The following NHSL3 variants were observed in gnomAD, a reference collection of about 807,000 sequenced individuals.
The protein encoded by NHSL3 is NHS-like protein 3.
chr1:32,751,931 C>T, the NHSL3 span, among the ~76,000 whole-genome samples: 1 of 152,146 alleles, frequency 6.6e-6, no homozygotes, highest in African/African-American at 2.4e-5. Context: ...ATCCTTTGAG[C>T]CTCTTCACAT....
the NHSL3 span, among the ~76,000 whole-genome samples, chr1:32,743,952 C>A: frequency 6.6e-6 from 1 of 152,226 alleles, no homozygotes; most frequent in Non-Finnish European, 1.5e-5. Context: ...TTTACTCCAG[C>A]CTCCTATTAT....
the NHSL3 span, chr1:32,770,469 C>T: frequency 2.5e-6 from 4 of 1,597,032 alleles, no homozygotes; most frequent in Middle Eastern, 1.7e-4. This position sits in a 1 kb window ranked among gnomAD's most constrained non-coding sequence, Gnocchi z 8.3. Flanking sequence ...CTGACGGTTC[C>T]ACCCTCTCCT....
chr1:32,754,305 A>C, the NHSL3 span: 1 of 578,838 alleles, frequency 1.7e-6, no homozygotes, highest in Non-Finnish European at 3.2e-6. Flanking sequence ...ATCCCCGCGC[A>C]GACCCCACCC....
At chr1:32,769,033 G>C in the NHSL3 span, 1 of 351,438 alleles carries the variant, frequency 2.8e-6, no homozygotes, top group South Asian at 3.9e-5. Context: ...GGCGGGTCAC[G>C]AGGTCAGGAG....
At chr1:32,746,407 C>T in the NHSL3 span, among the ~76,000 whole-genome samples, 4 of 152,082 alleles carry the variant, frequency 2.6e-5, no homozygotes, top group Admixed American at 6.5e-5. Context: ...CTGGAGGAGG[C>T]GAGCGCCTAT....
the NHSL3 span, among the ~76,000 whole-genome samples, chr1:32,760,190 G>T: frequency 6.6e-6 from 1 of 152,184 alleles, no homozygotes; most frequent in Non-Finnish European, 1.5e-5. Context: ...GGAGTTGGGG[G>T]CTGGGTTGGC....
At chr1:32,772,966 G>A in the NHSL3 span, 6 of 1,399,282 alleles carry the variant, frequency 4.3e-6, no homozygotes, top group South Asian at 6.9e-5. Flanking sequence ...AAGGACGAGA[G>A]GATACAGCAG....
the NHSL3 span, among the ~76,000 whole-genome samples, chr1:32,756,466 C>T: frequency 1.2e-5 from 1 of 80,330 alleles, no homozygotes; most frequent in African/African-American, 4.5e-5. Flanking sequence ...GGCAACATGA[C>T]GAGACCCCCC....
At chr1:32,753,850 C>T in the NHSL3 span, among the ~76,000 whole-genome samples, 19 of 152,162 alleles carry the variant, frequency 1.2e-4, no homozygotes, top group Admixed American at 4.6e-4. Flanking sequence ...GCGGCTCAGC[C>T]GGTCTCCCAG....
chr1:32,765,948 A>G, the NHSL3 span: 1 of 926,674 alleles, frequency 1.1e-6, no homozygotes. Flanking sequence ...GGGGCTGATA[A>G]TGAGGCCAGA....
the NHSL3 span, chr1:32,768,108 G>C: frequency 1.9e-6 from 3 of 1,604,312 alleles, no homozygotes; most frequent in South Asian, 3.3e-5. Context: ...GAGACACCCA[G>C]AGTATCCAGG....
the NHSL3 span, chr1:32,765,850 G>A: frequency 3.2e-6 from 5 of 1,539,382 alleles, no homozygotes; most frequent in Non-Finnish European, 3.5e-6. Context: ...GGCTTGGGGG[G>A]AGGGGAGGGA....
the NHSL3 span, chr1:32,771,410 C>G: frequency 6.9e-6 from 11 of 1,590,122 alleles, no homozygotes; most frequent in Non-Finnish European, 9.4e-6. Context: ...CCACCACCCA[C>G]TAAGAAGCCA....
the NHSL3 span, among the ~76,000 whole-genome samples, chr1:32,758,821 AT>A: frequency 3.9e-5 from 6 of 152,020 alleles, no homozygotes; most frequent in Non-Finnish European, 2.9e-5. Flanking sequence ...TTAAGGGGAA[AT>A]GAAAGCTCCA....
chr1:32,774,710 G>A, the NHSL3 span: 1 of 152,598 alleles, frequency 6.6e-6, no homozygotes, highest in South Asian at 2.1e-4. Flanking sequence ...GGACAAAGGA[G>A]AAGGGAGGGT....
chr1:32,768,899 A>ACCC, the NHSL3 span: 1 of 1,178,694 alleles, frequency 8.5e-7, no homozygotes, highest in Non-Finnish European at 1.2e-6. Context: ...GAAACACAGT[A>ACCC]CCCTGTGTCC....
the NHSL3 span, chr1:32,741,998 C>T: frequency 1.2e-5 from 15 of 1,207,778 alleles, no homozygotes; most frequent in South Asian, 4.7e-4. This position sits in a 1 kb window ranked among gnomAD's most constrained non-coding sequence, Gnocchi z 4.3. Flanking sequence ...GCCGAGGAGC[C>T]GGGGAACCCG....
At chr1:32,759,583 C>T in the NHSL3 span, among the ~76,000 whole-genome samples, 1 of 152,176 alleles carries the variant, frequency 6.6e-6, no homozygotes, top group African/African-American at 2.4e-5. Context: ...CACTCCCTGC[C>T]CCCCATTATT....
chr1:32,761,934 A>G, the NHSL3 span, among the ~76,000 whole-genome samples: 1 of 152,148 alleles, frequency 6.6e-6, no homozygotes, highest in African/African-American at 2.4e-5. Context: ...TCAGGTTTGT[A>G]GCTGGCACAG....
Sources: gnomAD v4.1 joint callset for allele counts (sites outside exome capture counted in the v4.1 genomes callset) on GRCh38, gnomAD v4.1.1 for gene constraint, Gnocchi (gnomAD v3.1) non-coding constraint, MANE v1.5 for transcripts, NCBI Gene and HGNC (gene_info 2026-07-23, HGNC 2026-07-21) for gene names.